STAG1: variants seen among roughly 807,000 people sequenced by gnomAD.
STAG1 encodes the protein STAG1 cohesin complex component, also known as cohesin subunit SA-1.
STAG1 carries 26 observed loss-of-function variants against 170.9 expected under a neutral mutation model. The ratio of observed to expected loss-of-function variants is 0.15; its 90% CI spans 0.11 to 0.21. The LOEUF (loss-of-function observed/expected upper bound fraction) is 0.21, where lower values mean the gene tolerates loss of function less well. Among genes scored for constraint, STAG1 ranks in the 10% least tolerant of loss-of-function variants. The pLI, the probability that STAG1 is intolerant of heterozygous loss-of-function variation, is 1.00. For synonymous variants in STAG1, 514 were observed against 497.7 expected (o/e 1.03, Z -0.44); for missense variants, 964 against 1,509.5 (o/e 0.64, Z 5.99).
chr3:136,579,331 G>A (rs1937543106), intron 4 of STAG1, among the ~76,000 whole-genome samples: 1 of 152,188 alleles, frequency 6.6e-6, no homozygotes, highest in Non-Finnish European at 1.5e-5. Context: ...CTGCCATAAG[G>A]TAGTTGTATT....
intron 1 of STAG1, among the ~76,000 whole-genome samples, chr3:136,679,947 TACA>T (rs768334294): frequency 1.3e-5 from 2 of 151,858 alleles, no homozygotes; most frequent in Non-Finnish European, 2.9e-5. Flanking sequence ...TATTCAAAGA[TACA>T]ACATTATTTA....
chr3:136,704,595 A>G (rs1305490704), intron 1 of STAG1, among the ~76,000 whole-genome samples: 1 of 151,994 alleles, frequency 6.6e-6, no homozygotes, highest in Non-Finnish European at 1.5e-5. Context: ...TGGGAGGCCC[A>G]GGCAGGCAGA....
chr3:136,710,610 A>G (rs142718338), intron 1 of STAG1, among the ~76,000 whole-genome samples: 101 of 152,312 alleles, frequency 6.6e-4, no homozygotes, highest in African/African-American at 2.2e-3. Flanking sequence ...ATGTTGGTTT[A>G]ATTATAGCCC....
At chr3:136,466,465 A>C (rs1410021317) in intron 12 of STAG1, among the ~76,000 whole-genome samples, 1 of 152,178 alleles carries the variant, frequency 6.6e-6, no homozygotes, top group Non-Finnish European at 1.5e-5. Context: ...AAAGAGTAAA[A>C]AGAAACGAAC....
chr3:136,470,952 G>GA (rs2089610762), intron 12 of STAG1, among the ~76,000 whole-genome samples: 1 of 145,618 alleles, frequency 6.9e-6, no homozygotes, highest in Non-Finnish European at 1.5e-5. Flanking sequence ...TTGGACGCAG[G>GA]AAGGGGACCA....
At chr3:136,398,852 T>G in intron 21 of STAG1, 23 bp from the exon 22 acceptor site, 1 of 1,501,828 alleles carries the variant, frequency 6.7e-7, no homozygotes, top group Non-Finnish European at 9.0e-7. Flanking sequence ...AAAAAAAATT[T>G]TTTTAATGAA....
At chr3:136,449,590 T>C (rs1246559698) in intron 14 of STAG1, among the ~76,000 whole-genome samples, 1 of 149,758 alleles carries the variant, frequency 6.7e-6, no homozygotes, top group Admixed American at 6.6e-5. Flanking sequence ...AAAAAAGGAA[T>C]GTAATACAGC....
intron 21 of STAG1, among the ~76,000 whole-genome samples, chr3:136,402,505 C>T (rs2087356793): frequency 6.6e-6 from 1 of 152,002 alleles, no homozygotes; most frequent in African/African-American, 2.4e-5. Flanking sequence ...TGTCAGCCAC[C>T]GTGCCCGGCC....
At chr3:136,410,654 A>G (rs1411974222) in intron 21 of STAG1, among the ~76,000 whole-genome samples, 1 of 152,232 alleles carries the variant, frequency 6.6e-6, no homozygotes, top group East Asian at 1.9e-4. Flanking sequence ...AAACAAATGT[A>G]AAGACTTAAA....
chr3:136,598,602 A>G (rs540062099), intron 4 of STAG1, among the ~76,000 whole-genome samples: 192 of 151,576 alleles, frequency 1.3e-3, no homozygotes, highest in Non-Finnish European at 2.3e-3. Context: ...AATTTTTTGT[A>G]TTTTTAGTAG....
intron 16 of STAG1, among the ~76,000 whole-genome samples, chr3:136,428,563 C>T (rs561233062): frequency 4.6e-4 from 70 of 152,194 alleles, no homozygotes; most frequent in South Asian, 3.9e-3. Context: ...AAACATAGTA[C>T]TCAATGGAAA....
In STAG1 at chr3:136,337,917, A is replaced by G. The variant is rs1032153191; in HGVS notation, c.*337T>C. The stretch of plus-strand genomic sequence containing the variant: ...TTTTACTCAATGTTGAGTTTTCATA[A>G]AACAGGTGTATAACAGTGTTTATCT... On this transcript the variant is annotated 3_prime_UTR_variant, in exon 34 of 34. Transcript: ENST00000383202. The G allele has an allele frequency of 8.9e-6, 2 of 223,624 alleles. No homozygotes were observed. Among genetic ancestry groups the G allele is most frequent in the Admixed American group, 5.7e-5 (1 of 17,548 alleles). 13.9% of individuals were successfully genotyped at this position (223,624 alleles called of 1,614,324 possible).
At chr3:136,683,977 A>G (rs971656523) in intron 1 of STAG1, among the ~76,000 whole-genome samples, 4 of 152,236 alleles carry the variant, frequency 2.6e-5, no homozygotes, top group African/African-American at 4.8e-5. Flanking sequence ...CTAGCAAAAC[A>G]TGTACAAGAT....
At chr3:136,556,414 T>C (rs1236769824) in intron 5 of STAG1, among the ~76,000 whole-genome samples, 1 of 152,172 alleles carries the variant, frequency 6.6e-6, no homozygotes, top group Non-Finnish European at 1.5e-5. Context: ...CCAGAGATGC[T>C]GCTAAATGTC....
chr3:136,726,257 C>T (rs1345482549), intron 1 of STAG1, among the ~76,000 whole-genome samples: 1 of 152,180 alleles, frequency 6.6e-6, no homozygotes, highest in South Asian at 2.1e-4. Context: ...CCATCATCCC[C>T]AGGTCTCTAT....
intron 3 of STAG1, among the ~76,000 whole-genome samples, chr3:136,618,727 G>T (rs1392124013): frequency 6.6e-6 from 1 of 152,086 alleles, no homozygotes; most frequent in Non-Finnish European, 1.5e-5. Flanking sequence ...TAAGGGATTA[G>T]ATTATGACAA....
intron 1 of STAG1, among the ~76,000 whole-genome samples, chr3:136,748,245 T>C (rs947157388): frequency 6.6e-6 from 1 of 151,652 alleles, no homozygotes; most frequent in African/African-American, 2.4e-5. Flanking sequence ...ACCAAATATA[T>C]AAAAAATTAG....
chr3:136,751,805 G>A (rs1343212993), intron 1 of STAG1, among the ~76,000 whole-genome samples: 4 of 118,986 alleles, frequency 3.4e-5, no homozygotes, highest in African/African-American at 1.2e-4. Context: ...CCGAGAGCCC[G>A]GGCGGGGGGG....
At chr3:136,524,464 G>A (rs1471376423) in intron 6 of STAG1, among the ~76,000 whole-genome samples, 5 of 152,194 alleles carry the variant, frequency 3.3e-5, no homozygotes, top group African/African-American at 9.7e-5. Context: ...AGACTTTGCT[G>A]AAGTTGCTTA....
Sources: gnomAD v4.1 joint callset for allele counts (sites outside exome capture counted in the v4.1 genomes callset) on GRCh38, gnomAD v4.1.1 for gene constraint, MANE v1.5 for transcripts, NCBI Gene and HGNC (gene_info 2026-07-23, HGNC 2026-07-21) for gene names.